Variants in FEZ2 observed in about 807,000 individuals in gnomAD.
FEZ2 encodes fasciculation and elongation protein zeta-2.
Under a neutral mutation model 40.4 loss-of-function variants are expected in FEZ2, and 51 were observed. The observed-to-expected ratio is 1.26, with a 90% CI of 1.01 to 1.59. The LOEUF is 1.59. Ranked by LOEUF, FEZ2 falls within the 40% of genes most tolerant of loss-of-function variation. The pLI is 0.00. For synonymous variants in FEZ2, 242 were observed against 172.0 expected, an observed-to-expected ratio of 1.41 and a Z score of -3.18; for missense variants, 640 against 438.3, an observed-to-expected ratio of 1.46 and a Z score of -4.11.
intron 5 of FEZ2, chr2:36,559,122 A>G (rs1668028656): frequency 6.6e-6 from 1 of 152,228 alleles, no homozygotes; most frequent in African/African-American, 2.4e-5. Flanking sequence ...GTTTTTAGGC[A>G]TTAAAGGAGA....
chr2:36,588,394 A>G (rs138908035), intron 2 of FEZ2, among the ~76,000 whole-genome samples: 49 of 152,310 alleles, frequency 3.2e-4, no homozygotes, highest in Non-Finnish European at 5.7e-4. Flanking sequence ...TGCCTTGGCC[A>G]TATCATTACC....
chr2:36,576,964 T>G (rs1257702763), intron 5 of FEZ2, among the ~76,000 whole-genome samples: 3 of 152,236 alleles, frequency 2.0e-5, no homozygotes, highest in Non-Finnish European at 4.4e-5. Flanking sequence ...AGGCAGAAAT[T>G]ACCAACCATG....
intron 4 of FEZ2, among the ~76,000 whole-genome samples, chr2:36,580,328 C>T (rs1286762165): frequency 6.6e-6 from 1 of 152,180 alleles, no homozygotes; most frequent in African/African-American, 2.4e-5. Flanking sequence ...TGAAGCCATA[C>T]AACCCAAAGG....
chr2:36,590,710 G>A (rs183905752), intron 2 of FEZ2, 193 bp downstream of exon 2: 52 of 515,108 alleles, frequency 1.0e-4, no homozygotes, highest in African/African-American at 9.1e-4. Flanking sequence ...GAGTGTGCTG[G>A]AGAAGAACTG....
intron 7 of FEZ2, among the ~76,000 whole-genome samples, chr2:36,554,642 T>C (rs142797873): frequency 1.8e-4 from 27 of 152,326 alleles, no homozygotes; most frequent in African/African-American, 6.0e-4. Flanking sequence ...CAACTCAGTC[T>C]GTTCTACTCC....
chr2:36,572,334 A>C (rs950636755), intron 5 of FEZ2, among the ~76,000 whole-genome samples: 8 of 152,194 alleles, frequency 5.3e-5, no homozygotes, highest in Admixed American at 2.0e-4. Flanking sequence ...GAAAAGGAAC[A>C]ATTCAACATA....
At chr2:36,567,497 C>A (rs752800069) in intron 5 of FEZ2, among the ~76,000 whole-genome samples, 14 of 152,050 alleles carry the variant, frequency 9.2e-5, no homozygotes, top group Non-Finnish European at 1.6e-4. Context: ...CACGGAGGCT[C>A]ACGCCTGTAA....
Position 36,555,633 on chromosome 2 carries a change from G to T in FEZ2, c.1045+50C>A. ...GTATTAGCAAGGCGATGTATTTACT[G>T]ACTAATCCAAACCTCCCAGCCATCG... On this transcript the variant is annotated intron_variant, in intron 7 of 7. Transcript: ENST00000405912. The T allele has an allele frequency of 3.0e-6, 3 of 1,008,824 alleles. No homozygotes were observed. In the South Asian group the frequency reaches 4.7e-5, roughly 16 times the overall value. 62.5% of individuals were successfully genotyped at this position (1,008,824 alleles called of 1,614,324 possible). A position where few individuals can be genotyped will look rare whatever the true frequency, so the allele number is the denominator to read the frequency against.
intron 5 of FEZ2, chr2:36,559,270 C>T (rs1310585610): frequency 6.6e-6 from 1 of 152,186 alleles, no homozygotes; most frequent in African/African-American, 2.4e-5. Flanking sequence ...CCCATGAAAG[C>T]ATAATCCATA....
intron 1 of FEZ2, chr2:36,591,383 A>C (rs1300302531): frequency 5.8e-6 from 1 of 173,718 alleles, no homozygotes; most frequent in African/African-American, 2.4e-5. Context: ...TTTACAGATG[A>C]AGAAACTGAA....
At chr2:36,586,391 T>A (rs848614) in intron 2 of FEZ2, among the ~76,000 whole-genome samples, 1 of 151,896 alleles carries the variant, frequency 6.6e-6, no homozygotes, top group African/African-American at 2.4e-5. Flanking sequence ...TCCCAGCACT[T>A]TGGGAGGCTG....
In FEZ2 at chr2:36,558,450, T is replaced by G. The variant is rs968494089; in HGVS notation, c.967A>C (p.Ile323Leu). 1.3e-6 allele frequency: 2 copies of G among 1,525,880 alleles called. No individual in the cohort carries two copies. The highest frequency in any genetic ancestry group is 2.8e-5 in the African/African-American group (2 of 72,252). The allele number at this position is 1,525,880 out of a possible 1,614,324, so 94.5% of individuals were successfully genotyped here. A position where few individuals can be genotyped will look rare whatever the true frequency, so the allele number is the denominator to read the frequency against. ...TGTCTTTGCTCACTTTTTGTTAATA[T>G]TTGAAGATCTTCAACAGACGGTGGT... ...NGPPSVEDLQ[I>L]LTKILRAMKE... The change falls in exon 6 of 8, where the codon ATA becomes CTA. Residue 323 changes from isoleucine (I) to leucine (L), a missense_variant. By Grantham distance (5) the Ile-to-Leu change is conservative. Transcript: ENST00000405912.
At chr2:36,593,057 C>T (rs76502688) in intron 1 of FEZ2, among the ~76,000 whole-genome samples, 1,904 of 152,262 alleles carry the variant, frequency 0.013, 44 homozygotes, top group African/African-American at 0.044. Context: ...CTGGCTCATA[C>T]CTTCCTGGAT....
intron 1 of FEZ2, among the ~76,000 whole-genome samples, chr2:36,594,932 G>C (rs545228186): frequency 6.6e-4 from 101 of 152,344 alleles, no homozygotes; most frequent in Non-Finnish European, 1.2e-3. Context: ...TAGTTGGAAG[G>C]ACACAGAGGC....
intron 4 of FEZ2, 147 bp downstream of exon 4, chr2:36,581,143 C>T (rs1338463217): frequency 5.0e-6 from 4 of 793,098 alleles, no homozygotes; most frequent in East Asian, 2.6e-5. Context: ...AGTGAAATCC[C>T]GTCTCAACAA....
chr2:36,553,324 G>C lies in FEZ2; in HGVS notation c.1046-145C>G, dbSNP rs964453504. 3 of 648,814 alleles carry C rather than the reference G, an allele frequency of 4.6e-6. No individual in the cohort carries two copies. The African/African-American group carries it at 5.5e-5, about 12-fold the overall frequency. 40.2% of individuals were successfully genotyped at this position (648,814 alleles called of 1,614,324 possible). On this transcript the variant is annotated intron_variant, in intron 7 of 7. Coordinates refer to ENST00000405912, the MANE Select transcript of FEZ2 (RefSeq NM_005102.3). Reference sequence around the variant, plus strand: ...AGATCTATGTAGCAATTTTTTAAAGGTTTTAAGAGGCTATACCCAACAAGG... The same window carrying C: ...AGATCTATGTAGCAATTTTTTAAAGCTTTTAAGAGGCTATACCCAACAAGG...
intron 5 of FEZ2, among the ~76,000 whole-genome samples, chr2:36,569,866 A>C (rs1668359075): frequency 6.6e-6 from 1 of 152,202 alleles, no homozygotes; most frequent in South Asian, 2.1e-4. Flanking sequence ...AAAGCACTCA[A>C]GGAATGCTTT....
In FEZ2 at chr2:36,564,469, C is replaced by A. The variant is rs117974444; in HGVS notation, c.904-5956G>T. Among the ~76,000 whole-genome samples the A allele has an allele frequency of 5.6e-4, 86 of 152,280 alleles. No individual in the cohort carries two copies. In the East Asian group the frequency reaches 9.3e-3, roughly 16 times the overall value. On this transcript the variant is annotated intron_variant, in intron 5 of 7. Transcript: ENST00000405912. ...TATTAGAGATTCAGAGTGAACACAT[C>A]AGCCAAGGCCCCTCCCACCCTCCTG... is the stretch of plus-strand genomic sequence containing the variant.
chr2:36,591,585 C>A (rs1669073687), intron 1 of FEZ2: 1 of 152,506 alleles, frequency 6.6e-6, no homozygotes, highest in Non-Finnish European at 1.5e-5. Context: ...GATTTAATAT[C>A]TAATTTGTAA....
Sources: allele counts gnomAD v4.1 joint callset (sites outside exome capture counted in the v4.1 genomes callset), GRCh38; gene constraint gnomAD v4.1.1; transcripts MANE v1.5; gene names NCBI Gene and HGNC (gene_info 2026-07-23, HGNC 2026-07-21).